The following IQGAP1 variants were observed in gnomAD, a reference collection of about 807,000 sequenced individuals.
IQGAP1 encodes the protein ras GTPase-activating-like protein IQGAP1.
IQGAP1 carries 66 observed loss-of-function variants against 215.6 expected under a neutral mutation model. The observed-to-expected ratio is 0.31, with a 90% CI of 0.25 to 0.38. IQGAP1 has a LOEUF of 0.38. Ranked by LOEUF, IQGAP1 falls within the 10% of genes least tolerant of loss-of-function variation. The pLI, the probability that IQGAP1 is intolerant of heterozygous loss-of-function variation, is 1.00. For synonymous variants in IQGAP1, 772 were observed against 728.7 expected, an observed-to-expected ratio of 1.06 and a Z score of -0.96; for missense variants, 1,712 against 1,997.1, an observed-to-expected ratio of 0.86 and a Z score of 2.72.
intron 2 of IQGAP1, among the ~76,000 whole-genome samples, chr15:90,424,283 A>G (rs1302391867): frequency 2.0e-5 from 3 of 152,186 alleles, no homozygotes; most frequent in Non-Finnish European, 4.4e-5. Context: ...TTTAGGCTGA[A>G]TAGAGGTATA....
At chr15:90,476,566 C>A in intron 23 of IQGAP1, 97 bp from the exon 24 acceptor site, 1 of 876,888 alleles carries the variant, frequency 1.1e-6, no homozygotes, top group Non-Finnish European at 1.7e-6. Flanking sequence ...TGCAGTACAC[C>A]TTCATGTGAG....
chr15:90,498,484 A>G (rs1288213226), intron 37 of IQGAP1, among the ~76,000 whole-genome samples: 1 of 152,106 alleles, frequency 6.6e-6, no homozygotes, highest in African/African-American at 2.4e-5. Context: ...TAACCAAATC[A>G]TGTTAGGCCA....
intron 9 of IQGAP1, among the ~76,000 whole-genome samples, chr15:90,444,243 C>CTGTGTGTG (rs34494521): frequency 0.064 from 8,091 of 126,812 alleles, 324 homozygotes; most frequent in Middle Eastern, 0.1. Flanking sequence ...TCCTTCAAAA[C>CTGTGTGTG]TGTGTGTGTG....
At chr15:90,460,358 C>T (rs1055984439) in intron 15 of IQGAP1, among the ~76,000 whole-genome samples, 7 of 151,938 alleles carry the variant, frequency 4.6e-5, no homozygotes, top group African/African-American at 1.7e-4. Flanking sequence ...TCAGAGCTCT[C>T]CATGAACATC....
intron 2 of IQGAP1, among the ~76,000 whole-genome samples, chr15:90,407,599 G>A (rs140587611): frequency 8.7e-4 from 132 of 152,300 alleles, no homozygotes; most frequent in Middle Eastern, 6.8e-3. Flanking sequence ...ACAGTTTAAT[G>A]GAAGATTGTT....
In IQGAP1 at chr15:90,473,017, C is replaced by G; in HGVS notation, c.2349+7C>G. 6.2e-7 allele frequency: 1 copy of G among 1,612,794 alleles called. No individual in the cohort carries two copies. The highest frequency in any genetic ancestry group is 1.3e-5 in the African/African-American group (1 of 75,032). On this transcript the variant is annotated splice_region_variant and intron_variant, in intron 19 of 37. Coordinates refer to ENST00000268182, the MANE Select transcript of IQGAP1 (RefSeq NM_003870.4). ...TGCCATCACCTGCATTCAGGTATTTCAGAACCTATCACACAGACAGCAAGC... is the reference window on the plus strand; with the variant it reads ...TGCCATCACCTGCATTCAGGTATTTGAGAACCTATCACACAGACAGCAAGC...
chr15:90,397,247 C>T (rs868438408), intron 2 of IQGAP1, among the ~76,000 whole-genome samples: 20 of 152,138 alleles, frequency 1.3e-4, no homozygotes, highest in Non-Finnish European at 2.5e-4. Context: ...TCTCATAGTA[C>T]GAATAATTAA....
At chr15:90,421,229 A>C (rs946789831) in intron 2 of IQGAP1, among the ~76,000 whole-genome samples, 8 of 152,134 alleles carry the variant, frequency 5.3e-5, no homozygotes, top group Non-Finnish European at 1.5e-5. Context: ...TAATCCCAGC[A>C]CTTTGGGAGG....
In IQGAP1 at chr15:90,429,582, T is replaced by A; in HGVS notation, c.313-7T>A. 6.3e-7 allele frequency: 1 copy of A among 1,577,398 alleles called. No homozygotes were observed. The highest frequency in any genetic ancestry group is 8.6e-7 in the Non-Finnish European group (1 of 1,168,316). ...CAATAATACCTAATTTTCTTTTTTTTTTCTAGGCGACTGGCCTCCACTTTA... is the reference window on the plus strand; with the variant it reads ...CAATAATACCTAATTTTCTTTTTTTATTCTAGGCGACTGGCCTCCACTTTA... On this transcript the variant is annotated splice_region_variant and splice_polypyrimidine_tract_variant and intron_variant, in intron 3 of 37. Coordinates refer to ENST00000268182, the MANE Select transcript of IQGAP1 (RefSeq NM_003870.4).
intron 1 of IQGAP1, among the ~76,000 whole-genome samples, chr15:90,389,503 T>C (rs978694644): frequency 6.6e-6 from 1 of 152,030 alleles, no homozygotes; most frequent in Non-Finnish European, 1.5e-5. Context: ...GGCTAATTTT[T>C]GTATTTTTAG....
Position 90,388,345 on chromosome 15 carries a change from T to C in IQGAP1, c.4T>C (p.Ser2Pro). Residue 2 changes from serine (S) to proline (P), a missense_variant, in exon 1 of 38, where the codon TCC becomes CCC. Transcript: ENST00000268182. Reference sequence around the variant, plus strand: ...CAGAGACTCGGGCTCGTCCGCCATGTCCGCCGCAGACGAGGTTGACGGGCT... The same window carrying C: ...CAGAGACTCGGGCTCGTCCGCCATGCCCGCCGCAGACGAGGTTGACGGGCT... M[S>P]AADEVDGLGV... 1 of 1,596,246 alleles carries C rather than the reference T, an allele frequency of 6.3e-7. No individual in the cohort carries two copies. Among genetic ancestry groups the C allele is most frequent in the Non-Finnish European group, 8.5e-7 (1 of 1,172,868 alleles).
Position 90,466,272 on chromosome 15 carries a change from C to G in IQGAP1, c.1871C>G (p.Ala624Gly). 1 of 1,613,994 alleles carries G rather than the reference C, an allele frequency of 6.2e-7. No individual in the cohort carries two copies. Among genetic ancestry groups the G allele is most frequent in the East Asian group, 2.2e-5 (1 of 44,880 alleles). Residue 624 changes from alanine to glycine, a missense_variant, in exon 17 of 38, where the codon GCC (alanine) becomes GGC (glycine). Coordinates refer to ENST00000268182, the MANE Select transcript of IQGAP1 (RefSeq NM_003870.4). ...TAACAGTTCTTTCCCGAAATAGTTG[C>G]CTTAGGAATCTTTGCCATTAATGAG... ...NKDTQEAQKF[A>G]LGIFAINEAV... is the part of the protein sequence containing the mutation.
At chr15:90,396,856 T>G (rs190498891) in intron 2 of IQGAP1, among the ~76,000 whole-genome samples, 1 of 141,500 alleles carries the variant, frequency 7.1e-6, no homozygotes, top group Non-Finnish European at 1.5e-5. Context: ...GCAAAAAAAA[T>G]TTTTTTTTTT....
intron 8 of IQGAP1, among the ~76,000 whole-genome samples, chr15:90,442,642 GTGAGACTCCAGGAT>G (rs1282511320): frequency 6.6e-6 from 1 of 152,110 alleles, no homozygotes. Flanking sequence ...TATGTCACCA[GTGAGACTCCAGGAT>G]TGTGGATCTG....
intron 5 of IQGAP1, among the ~76,000 whole-genome samples, chr15:90,438,556 T>C (rs1011557319): frequency 2.0e-5 from 3 of 152,168 alleles, no homozygotes; most frequent in African/African-American, 7.2e-5. Flanking sequence ...AACTGTTAAA[T>C]TACCTGGATT....
At chr15:90,456,599 G>A (rs1206064436) in intron 15 of IQGAP1, among the ~76,000 whole-genome samples, 4 of 151,868 alleles carry the variant, frequency 2.6e-5, no homozygotes, top group South Asian at 2.1e-4. Flanking sequence ...AGGGCTGGGC[G>A]CAGTGGCTCA....
intron 2 of IQGAP1, among the ~76,000 whole-genome samples, chr15:90,396,907 C>T (rs1440047034): frequency 1.3e-5 from 2 of 151,578 alleles, no homozygotes; most frequent in Non-Finnish European, 1.5e-5. Context: ...GGCTGGAGTG[C>T]AGTGGTGCGA....
At chr15:90,439,246 T>C in intron 5 of IQGAP1, 86 bp from the exon 6 acceptor site, 1 of 913,534 alleles carries the variant, frequency 1.1e-6, no homozygotes, top group South Asian at 1.4e-5. Flanking sequence ...TACTTCTATT[T>C]TATACTTCAT....
intron 2 of IQGAP1, among the ~76,000 whole-genome samples, chr15:90,398,801 G>A (rs1392703908): frequency 1.3e-5 from 2 of 152,008 alleles, no homozygotes; most frequent in African/African-American, 2.4e-5. Flanking sequence ...CCAGGAGTTC[G>A]AGACTAGCCT....
Sources: gnomAD v4.1 joint callset for allele counts (sites outside exome capture counted in the v4.1 genomes callset) on GRCh38, gnomAD v4.1.1 for gene constraint, MANE v1.5 for transcripts, NCBI Gene and HGNC (gene_info 2026-07-23, HGNC 2026-07-21) for gene names.